Variants in WTAP observed in about 807,000 individuals in gnomAD.
The protein encoded by WTAP is WT1 associated protein.
A neutral mutation model predicts 50.0 loss-of-function variants in WTAP; 8 were observed. The observed-to-expected ratio is 0.16, with a 90% CI of 0.09 to 0.29. WTAP has a LOEUF of 0.29. Among genes scored for constraint, WTAP ranks in the 10% least tolerant of loss-of-function variants. The pLI is 1.00. For missense variants in WTAP, 295 were observed against 470.7 expected (o/e 0.63, Z 3.45); for synonymous variants, 194 against 169.0 (o/e 1.15, Z -1.15).
chr6:159,727,798 G>T, intron 1 of WTAP, 95 bp downstream of exon 1: 1 of 873,698 alleles, frequency 1.1e-6, no homozygotes, highest in Non-Finnish European at 1.4e-6. Context: ...GGGCGGGCAG[G>T]GCCCGAAAGG....
intron 3 of WTAP, among the ~76,000 whole-genome samples, chr6:159,739,775 T>G (rs1779131123): frequency 6.6e-6 from 1 of 151,028 alleles, no homozygotes; most frequent in Non-Finnish European, 1.5e-5. Flanking sequence ...TGTGACAATT[T>G]CCTACTTTCA....
chr6:159,754,970 GA>G, intron 7 of WTAP, 57 bp from the exon 8 acceptor site: 1 of 1,472,654 alleles, frequency 6.8e-7, no homozygotes, highest in Non-Finnish European at 9.1e-7. Flanking sequence ...AGGCACTAAA[GA>G]AACATTTTTC....
intron 4 of WTAP, 103 bp from the exon 5 acceptor site, chr6:159,743,562 A>G: frequency 8.8e-7 from 1 of 1,141,698 alleles, no homozygotes; most frequent in South Asian, 2.0e-5. Flanking sequence ...GATGGAAACT[A>G]AAGACTTGAT....
intron 5 of WTAP, among the ~76,000 whole-genome samples, chr6:159,747,449 A>G (rs1779638770): frequency 6.6e-6 from 1 of 152,194 alleles, no homozygotes; most frequent in African/African-American, 2.4e-5. Flanking sequence ...CAGCTTTACA[A>G]TTCTATGATT....
upstream of WTAP, chr6:159,727,030 G>A (rs1778208896): frequency 2.4e-6 from 3 of 1,232,014 alleles, no homozygotes; most frequent in Admixed American, 5.6e-5. Flanking sequence ...CGCAGCCGCA[G>A]GTGGCCCCGG....
chr6:159,755,541 G>C lies in WTAP; in HGVS notation c.1121G>C (p.Arg374Pro), dbSNP rs1311489317. 4 of 1,614,094 alleles carry C rather than the reference G, an allele frequency of 2.5e-6. No individual in the cohort carries two copies. In the Middle Eastern group the frequency reaches 6.6e-4, roughly 266 times the overall value. The change falls in exon 8 of 8, where the codon CGA (arginine) becomes CCA (proline). Residue 374 changes from arginine (R) to proline (P), a missense_variant. Transcript: ENST00000621533. ...AAAGCAGTGAGTGGGAAAGGTAATC[G>C]AACTGTGGGTTCCCGCCACGTTCAG... is the stretch of plus-strand genomic sequence containing the variant. ...EEKAVSGKGN[R>P]TVGSRHVQNG...
rs115323699 is a variant in WTAP at position 159,747,175 on chromosome 6, G to A, written c.274-1016G>A. Reference sequence around the variant, plus strand: ...AGATCTTGGGCCAGATCTACTTTGAGTATGAAGAAAATGATGAATTTAATG... The same window carrying A: ...AGATCTTGGGCCAGATCTACTTTGAATATGAAGAAAATGATGAATTTAATG... On this transcript the variant is annotated intron_variant, in intron 5 of 7. Coordinates refer to ENST00000621533, the MANE Select transcript of WTAP (RefSeq NM_001270531.2). Among the ~76,000 whole-genome samples, 1,075 of 152,252 alleles carry A rather than the reference G, an allele frequency of 7.1e-3. 14 individuals are homozygous for A. Among genetic ancestry groups the A allele is most frequent in the African/African-American group, 0.024 (987 of 41,548 alleles).
rs1779706992 is a variant in WTAP at position 159,748,633 on chromosome 6, G to A, written c.452+264G>A. ...CTATTCCGAAGAAGTGGCCACCTCCGAAAAATTCCCCTTCTAGAACATGTA... is the reference window on the plus strand; with the variant it reads ...CTATTCCGAAGAAGTGGCCACCTCCAAAAAATTCCCCTTCTAGAACATGTA... On this transcript the variant is annotated intron_variant, in intron 6 of 7. Transcript: ENST00000621533. This position sits in a 1 kb window ranked among gnomAD's most constrained non-coding sequence, Gnocchi z 5.6. The A allele has an allele frequency of 1.6e-6, 2 of 1,285,648 alleles. No homozygotes were observed. Among genetic ancestry groups the A allele is most frequent in the South Asian group, 3.1e-5 (1 of 32,746 alleles). The allele number at this position is 1,285,648 out of a possible 1,614,324, so 79.6% of individuals were successfully genotyped here.
chr6:159,745,700 A>G (rs1328772490), intron 5 of WTAP, among the ~76,000 whole-genome samples: 2 of 152,170 alleles, frequency 1.3e-5, no homozygotes, highest in African/African-American at 4.8e-5. Context: ...TATGTGATGG[A>G]TCAGATTTAG....
intron 5 of WTAP, among the ~76,000 whole-genome samples, chr6:159,744,485 T>A (rs1351130233): frequency 3.9e-5 from 6 of 152,024 alleles, no homozygotes; most frequent in African/African-American, 1.5e-4. Context: ...TCTAAGATAG[T>A]ATTCTGGTCA....
At chr6:159,732,884 ATAGTGTGTGTGTGT>A (rs1290694543) in intron 1 of WTAP, among the ~76,000 whole-genome samples, 3 of 83,418 alleles carry the variant, frequency 3.6e-5, no homozygotes, top group African/African-American at 5.7e-5. Flanking sequence ...GTATATATAT[ATAGTGTGTGTGTGT>A]GTGTGTGTGT....
In WTAP at chr6:159,755,184, C is replaced by T; in HGVS notation, c.764C>T (p.Thr255Ile). ...TCTGCCCCAAGTACCAGCAGGACTA[C>T]AGCTTCTGAACCTGTAGAACAGTCA... ...QASAPSTSRT[T>I]ASEPVEQSEA... Residue 255 changes from threonine (T) to isoleucine (I), a missense_variant, in exon 8 of 8, where the codon ACA becomes ATA. Transcript: ENST00000621533. 2 of 1,614,134 alleles carry T rather than the reference C, an allele frequency of 1.2e-6. No individual in the cohort carries two copies. The highest frequency in any genetic ancestry group is 2.2e-5 in the East Asian group (1 of 44,882).
chr6:159,737,288 A>AT (rs986936454), intron 2 of WTAP, among the ~76,000 whole-genome samples: 25 of 152,174 alleles, frequency 1.6e-4, no homozygotes, highest in Admixed American at 3.9e-4. Flanking sequence ...GGCTCAAGAG[A>AT]TAGCCACCTG....
At chr6:159,752,020 G>A (rs949262804) in intron 6 of WTAP, among the ~76,000 whole-genome samples, 3 of 148,528 alleles carry the variant, frequency 2.0e-5, no homozygotes, top group Non-Finnish European at 3.0e-5. Context: ...CTGAGATCAC[G>A]CCACTGCACT....
At chr6:159,754,187 T>G (rs1779921448) in intron 7 of WTAP, among the ~76,000 whole-genome samples, 1 of 152,224 alleles carries the variant, frequency 6.6e-6, no homozygotes, top group Admixed American at 6.5e-5. Flanking sequence ...AATTTTAAAT[T>G]GAAAATTAGT....
At position 159,755,921 on chromosome 6, in the gene WTAP, T is replaced by A; in HGVS notation, c.*310T>A. 3.6e-6 allele frequency: 1 copy of A among 280,242 alleles called. No individual in the cohort carries two copies. Among genetic ancestry groups the A allele is most frequent in the East Asian group, 8.7e-5 (1 of 11,506 alleles). 17.4% of individuals were successfully genotyped at this position (280,242 alleles called of 1,614,324 possible). A position where few individuals can be genotyped will look rare whatever the true frequency, so the allele number is the denominator to read the frequency against. On this transcript the variant is annotated 3_prime_UTR_variant, in exon 8 of 8. Coordinates refer to ENST00000621533, the MANE Select transcript of WTAP (RefSeq NM_001270531.2). The stretch of plus-strand genomic sequence containing the variant: ...GAAATTGTAAATGGAAATTTTTCCT[T>A]AAAATACAACACAATGATGTCTGTA...
chr6:159,728,010 C>T (rs1028097258), intron 1 of WTAP, among the ~76,000 whole-genome samples: 2 of 152,380 alleles, frequency 1.3e-5, no homozygotes, highest in South Asian at 2.1e-4. Context: ...CGGCGGCGCT[C>T]GTTTTTTCCT....
At chr6:159,744,371 G>C (rs1252739899) in intron 5 of WTAP, among the ~76,000 whole-genome samples, 2 of 152,146 alleles carry the variant, frequency 1.3e-5, no homozygotes, top group Non-Finnish European at 2.9e-5. Context: ...AGAGGCAGCT[G>C]TATCCTTGTT....
At chr6:159,727,405 C>CGGGAGGCGGGAGGT, upstream of WTAP, 1 of 1,208,754 alleles carries the variant, frequency 8.3e-7, no homozygotes, top group Non-Finnish European at 1.1e-6. Flanking sequence ...AGGCGGGAGG[C>CGGGAGGCGGGAGGT]AGTGGCGCTG....
Sources: allele counts gnomAD v4.1 joint callset (sites outside exome capture counted in the v4.1 genomes callset), GRCh38; gene constraint gnomAD v4.1.1; non-coding constraint Gnocchi (gnomAD v3.1); transcripts MANE v1.5; gene names NCBI Gene and HGNC (gene_info 2026-07-23, HGNC 2026-07-21).